KDELR1: variants seen among roughly 807,000 people sequenced by gnomAD.
KDELR1 encodes KDEL endoplasmic reticulum protein retention receptor 1, also known as ER lumen protein-retaining receptor 1.
Under a neutral mutation model 25.5 loss-of-function variants are expected in KDELR1, and 16 were observed. That is an observed-to-expected ratio of 0.63 (90% CI 0.43 to 0.95). The LOEUF (loss-of-function observed/expected upper bound fraction) is 0.95. KDELR1 is among the 40% of genes least tolerant of loss of function. KDELR1 has a pLI of 0.00. For missense variants in KDELR1, 159 were observed against 265.2 expected (o/e 0.60, Z 2.78); for synonymous variants, 121 against 115.0 (o/e 1.05, Z -0.33).
chr19:48,387,302 A>G lies in KDELR1; in HGVS notation c.351+2251T>C, dbSNP rs562386108. Among the ~76,000 whole-genome samples the G allele has an allele frequency of 2.6e-5, 4 of 152,218 alleles. No homozygotes were observed. The South Asian group carries it at 8.3e-4, about 32-fold the overall frequency. On this transcript the variant is annotated intron_variant, in intron 3 of 4. Transcript: ENST00000330720. The stretch of plus-strand genomic sequence containing the variant: ...CCAAGCCCAGGATTCCCACCACAGC[A>G]TGATGCAGCCTCCCTCTGATATCTC...
upstream of KDELR1, among the ~76,000 whole-genome samples, chr19:48,394,237 G>A (rs1970603424): frequency 6.6e-6 from 1 of 151,918 alleles, no homozygotes; most frequent in African/African-American, 2.4e-5. The surrounding 1 kb of genome is among the most constrained non-coding windows in gnomAD (Gnocchi z 5.1). Flanking sequence ...TGTTGAGGGG[G>A]AATCCCAGGG....
At position 48,384,091 on chromosome 19, in the gene KDELR1, A is replaced by T; in HGVS notation, c.604+139T>A. The T allele has an allele frequency of 9.8e-7, 1 of 1,024,618 alleles. No homozygotes were observed. 63.5% of individuals were successfully genotyped at this position (1,024,618 alleles called of 1,614,324 possible). On this transcript the variant is annotated intron_variant, in intron 4 of 4. Transcript: ENST00000330720. The surrounding 1 kb of genome is among the most constrained non-coding windows in gnomAD (Gnocchi z 4.6). The stretch of plus-strand genomic sequence containing the variant: ...CGGTCTGAATTCCTAGGAGGATGGT[A>T]GGCCTGCCACCCCAGAAACCCGGCG...
chr19:48,390,670 C>G, intron 1 of KDELR1, 146 bp from the exon 2 acceptor site: 1 of 616,382 alleles, frequency 1.6e-6, no homozygotes, highest in Non-Finnish European at 2.9e-6. Flanking sequence ...CGGGACCAGC[C>G]TGGAGGCAGC....
At chr19:48,386,559 T>G (rs1414722570) in intron 3 of KDELR1, among the ~76,000 whole-genome samples, 1 of 151,474 alleles carries the variant, frequency 6.6e-6, no homozygotes, top group African/African-American at 2.4e-5. Flanking sequence ...GTGATTCTCC[T>G]GCCTCAGCTT....
upstream of KDELR1, among the ~76,000 whole-genome samples, chr19:48,391,730 T>A (rs1454052255): frequency 6.6e-6 from 1 of 152,058 alleles, no homozygotes; most frequent in Non-Finnish European, 1.5e-5. Flanking sequence ...AAGTGCCAAA[T>A]CCAGCACCGG....
intron 1 of KDELR1, chr19:48,390,976 G>T (rs1486294716): frequency 1.4e-5 from 7 of 501,442 alleles, no homozygotes; most frequent in Non-Finnish European, 2.5e-5. Context: ...CCACCTCCCC[G>T]CCTGCCATGG....
At chr19:48,386,614 A>C (rs2147420701) in intron 3 of KDELR1, among the ~76,000 whole-genome samples, 1 of 148,244 alleles carries the variant, frequency 6.7e-6, no homozygotes, top group African/African-American at 2.5e-5. Flanking sequence ...TGCCCGGCTA[A>C]TTTTTGTATT....
chr19:48,389,737 G>A (rs769321524), intron 2 of KDELR1, 26 bp from the exon 3 acceptor site: 1 of 1,612,820 alleles, frequency 6.2e-7, no homozygotes, highest in Admixed American at 1.7e-5. Flanking sequence ...ATGAGAAGGG[G>A]CCTCAACTCA....
intron 2 of KDELR1, 119 bp downstream of exon 2, chr19:48,390,305 C>T (rs1970534905): frequency 5.8e-6 from 4 of 685,600 alleles, no homozygotes; most frequent in Admixed American, 5.5e-5. Flanking sequence ...CCGGCCCCTC[C>T]TCCCTCAGAC....
intron 3 of KDELR1, among the ~76,000 whole-genome samples, chr19:48,388,601 G>A (rs892623483): frequency 3.3e-5 from 5 of 152,042 alleles, no homozygotes; most frequent in African/African-American, 4.8e-5. Flanking sequence ...CAGGAGAATC[G>A]CTTGAACCTG....
At chr19:48,392,091 C>T (rs1329406211), upstream of KDELR1, among the ~76,000 whole-genome samples, 3 of 145,732 alleles carry the variant, frequency 2.1e-5, no homozygotes, top group Non-Finnish European at 4.5e-5. Context: ...TCCCTCAGAT[C>T]CAGGAGTCCA....
chr19:48,391,132 T>C (rs1970545669), intron 1 of KDELR1, 136 bp downstream of exon 1: 1 of 765,350 alleles, frequency 1.3e-6, no homozygotes, highest in Non-Finnish European at 2.2e-6. Flanking sequence ...ACCCAGAACC[T>C]AGAAGAGAGA....
chr19:48,384,890 C>CT lies in KDELR1; in HGVS notation c.352-409dup, dbSNP rs68111834. Among the ~76,000 whole-genome samples the CT allele has an allele frequency of 0.38, 52,951 of 140,182 alleles. 10,218 individuals are homozygous for CT. Among genetic ancestry groups the CT allele is most frequent in the East Asian group, 0.57 (2,729 of 4,756 alleles). 92.0% of individuals were successfully genotyped at this position (140,182 alleles called of 152,430 possible). ...GAAATTTCCCTTCCTTTTTCTTTTT[C>CT]TTTTTTTTTTTTTTGAGATGGAGTA... On this transcript the variant is annotated intron_variant, in intron 3 of 4. Transcript: ENST00000330720. This position sits in a 1 kb window ranked among gnomAD's most constrained non-coding sequence, Gnocchi z 4.6.
At chr19:48,391,877 G>A (rs528611978), upstream of KDELR1, among the ~76,000 whole-genome samples, 2 of 152,266 alleles carry the variant, frequency 1.3e-5, no homozygotes, top group Non-Finnish European at 2.9e-5. Flanking sequence ...AGCTTTTGCA[G>A]CTTTCAGGCA....
chr19:48,391,890 C>CT (rs1970559288), upstream of KDELR1, among the ~76,000 whole-genome samples: 1 of 152,146 alleles, frequency 6.6e-6, no homozygotes, highest in African/African-American at 2.4e-5. Context: ...TTCAGGCACT[C>CT]TAACTCCAAT....
At chr19:48,388,671 C>T (rs28630587) in intron 3 of KDELR1, among the ~76,000 whole-genome samples, 2,319 of 145,358 alleles carry the variant, frequency 0.016, 67 homozygotes, top group African/African-American at 0.056. Context: ...GGCAACCGAG[C>T]GAGACTTTGT....
chr19:48,393,000 A>G (rs994741293), upstream of KDELR1, among the ~76,000 whole-genome samples: 1 of 152,214 alleles, frequency 6.6e-6, no homozygotes, highest in Non-Finnish European at 1.5e-5. Context: ...GTACCCACAG[A>G]TGATGGAGGC....
intron 3 of KDELR1, among the ~76,000 whole-genome samples, chr19:48,388,517 C>T (rs1214135305): frequency 1.3e-5 from 2 of 151,964 alleles, no homozygotes; most frequent in African/African-American, 4.8e-5. Context: ...GAAACCCTGT[C>T]TCTACTAAAA....
At chr19:48,387,411 G>A (rs935355335) in intron 3 of KDELR1, among the ~76,000 whole-genome samples, 2 of 151,968 alleles carry the variant, frequency 1.3e-5, no homozygotes, top group South Asian at 4.2e-4. Context: ...GGCCAGGCAC[G>A]GTGGCTCATG....
Sources: allele counts gnomAD v4.1 joint callset (sites outside exome capture counted in the v4.1 genomes callset), GRCh38; gene constraint gnomAD v4.1.1; non-coding constraint Gnocchi (gnomAD v3.1); transcripts MANE v1.5; gene names NCBI Gene and HGNC (gene_info 2026-07-23, HGNC 2026-07-21).